MYNN: variants seen among roughly 807,000 people sequenced by gnomAD.
The protein encoded by MYNN is myoneurin, also known as zinc finger and BTB domain-containing protein 31.
In MYNN, 22 loss-of-function variants were observed where a neutral mutation model predicts 57.2. That is an observed-to-expected ratio of 0.38 (90% CI 0.27 to 0.55). MYNN has a LOEUF of 0.55. MYNN is among the 20% of genes least tolerant of loss of function. The pLI, the probability that MYNN is intolerant of heterozygous loss-of-function variation, is 0.71. For missense variants in MYNN, 566 were observed against 723.1 expected, an observed-to-expected ratio of 0.78 and a Z score of 2.49; for synonymous variants, 241 against 257.1, an observed-to-expected ratio of 0.94 and a Z score of 0.60.
intron 1 of MYNN, among the ~76,000 whole-genome samples, chr3:169,773,819 C>T (rs1182754269): frequency 2.0e-5 from 3 of 152,168 alleles, no homozygotes; most frequent in Non-Finnish European, 4.4e-5. Flanking sequence ...AGCCACCTCT[C>T]GTTTTGGAGA....
chr3:169,786,824 C>A lies in MYNN; in HGVS notation c.*146C>A, dbSNP rs985926484. The A allele has an allele frequency of 1.3e-6, 1 of 759,044 alleles. No individual in the cohort carries two copies. Among genetic ancestry groups the A allele is most frequent in the South Asian group, 1.9e-5 (1 of 52,044 alleles). 47.0% of individuals were successfully genotyped at this position (759,044 alleles called of 1,614,324 possible). A position where few individuals can be genotyped will look rare whatever the true frequency, so the allele number is the denominator to read the frequency against. ...AGTAAAAGCACCTGATGCTGCATCA[C>A]AACTGCAATGTTTGTTTTTATTTTT... On this transcript the variant is annotated 3_prime_UTR_variant, in exon 8 of 8. Transcript: ENST00000349841.
chr3:169,776,144 G>T (rs1778334618), intron 2 of MYNN, among the ~76,000 whole-genome samples: 1 of 152,152 alleles, frequency 6.6e-6, no homozygotes, highest in Non-Finnish European at 1.5e-5. Flanking sequence ...TGAATACACG[G>T]TAGAGCACTT....
chr3:169,784,857 A>G (rs1336011416), intron 7 of MYNN, 149 bp downstream of exon 7: 37 of 404,788 alleles, frequency 9.1e-5, no homozygotes, highest in Non-Finnish European at 3.1e-5. Flanking sequence ...ATGTGAGGAA[A>G]GTAGCTTTTT....
At position 169,774,364 on chromosome 3, in the gene MYNN, CTG is replaced by C. The variant is rs1427617007; in HGVS notation, c.72_73del (p.Cys24Ter). 3.1e-6 allele frequency: 5 copies of C among 1,614,146 alleles called. No individual in the cohort carries two copies. The highest frequency in any genetic ancestry group is 3.4e-6 in the Non-Finnish European group (4 of 1,180,000). ...LNKQREAGFL[C>X]DCTIVIGEFQ... ...ACAAACAGCGGGAAGCAGGTTTTCT[CTG>C]TGACTGTACCATAGTGATTGGGGAA... is the stretch of plus-strand genomic sequence containing the variant. On this transcript the variant is annotated frameshift_variant, in exon 2 of 8. Coordinates refer to ENST00000349841, the MANE Select transcript of MYNN (RefSeq NM_018657.5). LOFTEE classifies it high-confidence loss of function.
Position 169,779,232 on chromosome 3 carries a change from C to T in MYNN, c.731C>T (p.Thr244Ile). Residue 244 changes from threonine to isoleucine, a missense_variant, in exon 3 of 8, where the codon ACT becomes ATT. Coordinates refer to ENST00000349841, the MANE Select transcript of MYNN (RefSeq NM_018657.5). ...GAGTTGACATCAGTTGTGGAAAATA[C>T]TTTTCCAGCACAAGATATTGTGCAC... ...ELELTSVVEN[T>I]FPAQDIVHTV... The T allele has an allele frequency of 6.2e-7, 1 of 1,614,144 alleles. No homozygotes were observed. Among genetic ancestry groups the T allele is most frequent in the South Asian group, 1.1e-5 (1 of 91,080 alleles).
intron 3 of MYNN, chr3:169,779,927 G>A (rs1778460034): frequency 4.5e-6 from 1 of 221,886 alleles, no homozygotes. Flanking sequence ...TCTAGACTCT[G>A]TTGACTTCTG....
intron 2 of MYNN, 110 bp downstream of exon 2, chr3:169,774,671 T>A: frequency 1.0e-6 from 1 of 975,366 alleles, no homozygotes; most frequent in Non-Finnish European, 1.5e-6. Flanking sequence ...CTTCACCTAT[T>A]TATGCACACA....
chr3:169,780,625 G>A lies in MYNN; in HGVS notation c.1096G>A (p.Gly366Arg). 6.2e-7 allele frequency: 1 copy of A among 1,610,676 alleles called. No individual in the cohort carries two copies. The highest frequency in any genetic ancestry group is 1.7e-5 in the Admixed American group (1 of 59,220). The change falls in exon 4 of 8, where the codon GGA (glycine) becomes AGA (arginine). Residue 366 changes from glycine (G) to arginine (R), a missense_variant. Around this residue, in one of 4 missense-constraint regions of MYNN, gnomAD observed 123 missense variants for 222.6 expected, o/e 0.55. Transcript: ENST00000349841. ...ATACAAATGTGAATTGTGTGATAAA[G>A]GATTTGCTCAGAAATGTCAGCTAGT... Reference protein sequence around the residue: ...KPYKCELCDKGFAQKCQLVFH... With the variant: ...KPYKCELCDKRFAQKCQLVFH...
intron 7 of MYNN, among the ~76,000 whole-genome samples, chr3:169,785,152 A>G (rs768010701): frequency 2.4e-4 from 36 of 151,752 alleles, no homozygotes; most frequent in Non-Finnish European, 4.1e-4. Context: ...CTACATTGTT[A>G]TAATATATAA....
Position 169,778,857 on chromosome 3 carries a change from C to A in MYNN, c.356C>A (p.Ala119Asp). The change falls in exon 3 of 8, where the codon GCT becomes GAT. Residue 119 changes from alanine (A) to aspartate (D), a missense_variant. Ala to Asp is a moderately radical substitution (Grantham distance 126). This residue lies in a region of MYNN where 261 missense variants were observed against 280.8 expected (regional missense o/e 0.93). Transcript: ENST00000349841. ...TKCKIKMEDF[A>D]FIANPSSTEI... ...TGCAAAATAAAGATGGAAGATTTTG[C>A]TTTTATTGCTAATCCTTCTTCTACA... 1 of 1,613,630 alleles carries A rather than the reference C, an allele frequency of 6.2e-7. No individual in the cohort carries two copies. The highest frequency in any genetic ancestry group is 8.5e-7 in the Non-Finnish European group (1 of 1,179,848).
rs762547768 is a variant in MYNN at position 169,783,525 on chromosome 3, C to T, written c.1448C>T (p.Ser483Leu). Residue 483 changes from serine (S) to leucine (L), a missense_variant, in exon 6 of 8, where the codon TCA becomes TTA. Physicochemically the swap from Ser to Leu is moderately radical, Grantham distance 145 (BLOSUM62 -2). Around this residue, in one of 4 missense-constraint regions of MYNN, gnomAD observed 156 missense variants for 163.9 expected, o/e 0.95. Coordinates refer to ENST00000349841, the MANE Select transcript of MYNN (RefSeq NM_018657.5). The part of the protein sequence containing the change: ...CGICGKSFIS[S>L]GELNKHFRSH... ...ATTTGTGGGAAAAGTTTTATTTCCT[C>T]AGGAGAGCTCAACAAACACTTTCGG... 11 of 1,611,574 alleles carry T rather than the reference C, an allele frequency of 6.8e-6. No individual in the cohort carries two copies. Among genetic ancestry groups the T allele is most frequent in the Non-Finnish European group, 9.3e-6 (11 of 1,178,244 alleles).
intron 3 of MYNN, chr3:169,779,796 T>TA: frequency 2.0e-6 from 1 of 504,376 alleles, no homozygotes; most frequent in Non-Finnish European, 3.5e-6. Context: ...TCCAAATAAG[T>TA]ATGTTGATTC....
chr3:169,779,155 G>A lies in MYNN; in HGVS notation c.654G>A (p.Leu218=), dbSNP rs768355559. 2 of 1,614,140 alleles carry A rather than the reference G, an allele frequency of 1.2e-6. No homozygotes were observed. Among genetic ancestry groups the A allele is most frequent in the Non-Finnish European group, 1.7e-6 (2 of 1,180,030 alleles). The change falls in exon 3 of 8, where the codon CTG becomes CTA. Residue 218 remains leucine (L), a synonymous_variant. Coordinates refer to ENST00000349841, the MANE Select transcript of MYNN (RefSeq NM_018657.5). ...SVELFLDANK[L]PTPVVEQVAQ... ...AATTATTCCTAGATGCAAATAAACT[G>A]CCCACACCTGTAGTAGAACAAGTTG...
intron 3 of MYNN, 102 bp downstream of exon 3, chr3:169,779,663 T>C: frequency 8.7e-7 from 1 of 1,148,542 alleles, no homozygotes. Context: ...CAGAATTTGG[T>C]ATATTTTTCT....
In MYNN at chr3:169,774,256, G is replaced by T. The variant is rs1461301964; in HGVS notation, c.-31-9G>T. On this transcript the variant is annotated splice_polypyrimidine_tract_variant and intron_variant, in intron 1 of 7. Coordinates refer to ENST00000349841, the MANE Select transcript of MYNN (RefSeq NM_018657.5). The stretch of plus-strand genomic sequence containing the variant: ...GGTTACTGATTTACTGTTTCTTTTT[G>T]TCTTTTAGATCAAGGGTAAAATTCC... The T allele has an allele frequency of 1.9e-6, 3 of 1,595,232 alleles. No homozygotes were observed. The highest frequency in any genetic ancestry group is 1.3e-5 in the African/African-American group (1 of 74,108).
rs537624225 is a variant in MYNN, at chr3:169,775,518, G to A, written c.266+957G>A. Among the ~76,000 whole-genome samples the A allele has an allele frequency of 3.9e-5, 6 of 152,254 alleles. No homozygotes were observed. The South Asian group carries it at 1.2e-3, about 32-fold the overall frequency. The stretch of plus-strand genomic sequence containing the variant: ...GTCGCTATGTCTCCTTGAGCATGAT[G>A]CAATCTCTCTGGGCCTCAGTTTCCC... On this transcript the variant is annotated intron_variant, in intron 2 of 7. Coordinates refer to ENST00000349841, the MANE Select transcript of MYNN (RefSeq NM_018657.5).
At chr3:169,776,118 C>CA (rs1327093010) in intron 2 of MYNN, among the ~76,000 whole-genome samples, 7 of 152,030 alleles carry the variant, frequency 4.6e-5, no homozygotes, top group Admixed American at 6.6e-5. Flanking sequence ...CTATGCAAAA[C>CA]AAAAAAATCT....
chr3:169,786,393 A>ATTTTT, intron 7 of MYNN, 23 bp from the exon 8 acceptor site: 1 of 1,586,430 alleles, frequency 6.3e-7, no homozygotes, highest in Non-Finnish European at 8.6e-7. Flanking sequence ...GATAATGTAG[A>ATTTTT]TTTTTTTTTC....
At chr3:169,780,458 A>T (rs1778478475) in intron 3 of MYNN, 132 bp from the exon 4 acceptor site, 1 of 596,782 alleles carries the variant, frequency 1.7e-6, no homozygotes, top group Non-Finnish European at 2.7e-6. Context: ...TCTGGAAAAG[A>T]TTATATTTGT....
Sources: allele counts gnomAD v4.1 joint callset (sites outside exome capture counted in the v4.1 genomes callset), GRCh38; gene constraint gnomAD v4.1.1; regional missense constraint gnomAD v4.1.1; transcripts MANE v1.5; gene names NCBI Gene and HGNC (gene_info 2026-07-23, HGNC 2026-07-21).